Variants in C4orf50 observed in about 807,000 individuals in gnomAD.
C4orf50 encodes chromosome 4 open reading frame 50.
C4orf50 carries 80 observed loss-of-function variants against 77.2 expected under a neutral mutation model. That is an observed-to-expected ratio of 1.04 (90% CI 0.87 to 1.25). The LOEUF (loss-of-function observed/expected upper bound fraction) is 1.25, where lower values mean the gene tolerates loss of function less well. Among genes scored for constraint, C4orf50 ranks in the 50% most tolerant of loss-of-function variants. The pLI, the probability that C4orf50 is intolerant of heterozygous loss-of-function variation, is 0.00. For synonymous variants in C4orf50, 532 were observed against 465.3 expected (o/e 1.14, Z -1.84); for missense variants, 1,257 against 1,152.9 (o/e 1.09, Z -1.31).
chr4:5,948,113 G>C (rs1718559644), intron 7 of C4orf50, among the ~76,000 whole-genome samples: 1 of 152,212 alleles, frequency 6.6e-6, no homozygotes, highest in Non-Finnish European at 1.5e-5. Context: ...ACTTCTCTCT[G>C]TGACCCCAGC....
downstream of C4orf50, among the ~76,000 whole-genome samples, chr4:5,956,234 C>G (rs1278726769): frequency 6.6e-6 from 1 of 152,204 alleles, no homozygotes; most frequent in Non-Finnish European, 1.5e-5. Context: ...CTACCCCAAC[C>G]CTACCTGGGC....
chr4:5,921,665 A>G (rs1455712912), intron 7 of C4orf50, among the ~76,000 whole-genome samples: 2 of 152,026 alleles, frequency 1.3e-5, no homozygotes, highest in Non-Finnish European at 2.9e-5. Context: ...AGAGCTGGAG[A>G]GAGGAGGAGG....
At chr4:5,985,084 T>C (rs776531670) in intron 28 of C4orf50, among the ~76,000 whole-genome samples, 2 of 152,138 alleles carry the variant, frequency 1.3e-5, no homozygotes, top group Non-Finnish European at 2.9e-5. Context: ...GAATGAGATC[T>C]TTAAAGAGCC....
At chr4:5,964,999 A>C (rs772347020) in intron 33 of C4orf50, 25 bp downstream of exon 11, 4 of 1,600,136 alleles carry the variant, frequency 2.5e-6, no homozygotes, top group Non-Finnish European at 3.4e-6. Flanking sequence ...TCATTTAGGA[A>C]ATGAGGTGAC....
chr4:5,907,175 G>A (rs1370293733), intron 7 of C4orf50, among the ~76,000 whole-genome samples: 1 of 151,724 alleles, frequency 6.6e-6, no homozygotes, highest in Non-Finnish European at 1.5e-5. Flanking sequence ...AGAAGCAGGT[G>A]GGTGATATCA....
downstream of C4orf50, among the ~76,000 whole-genome samples, chr4:5,953,335 A>G (rs747442356): frequency 3.9e-5 from 6 of 152,316 alleles, no homozygotes; most frequent in Admixed American, 6.5e-5. Flanking sequence ...TTGCGGCTAC[A>G]GTTGACTTAC....
At chr4:5,949,472 A>G (rs1327554991) in intron 7 of C4orf50, among the ~76,000 whole-genome samples, 1 of 152,188 alleles carries the variant, frequency 6.6e-6, no homozygotes, top group Non-Finnish European at 1.5e-5. Context: ...GATTCCGTTC[A>G]GATCAGGTCC....
chr4:5,967,005 T>C (rs13150768), intron 32 of C4orf50, among the ~76,000 whole-genome samples: 54,888 of 152,040 alleles, frequency 0.36, 10,176 homozygotes, highest in Admixed American at 0.45. Flanking sequence ...TGTTGCATGG[T>C]GTTTCTCAGA....
chr4:6,008,149 C>G lies in C4orf50; in HGVS notation c.810G>C (p.Gln270His), dbSNP rs977982173. The change falls in exon 25 of 34, where the codon CAG becomes CAC. Residue 270 changes from glutamine to histidine, a missense_variant. Physicochemically the swap from Gln to His is conservative, Grantham distance 24 (BLOSUM62 0). Transcript: ENST00000531445. This position sits in a 1 kb window ranked among gnomAD's most constrained non-coding sequence, Gnocchi z 6.0. Reference sequence around the variant, plus strand: ...GCAGCTCCTCCAGCTGCCCGCGGAGCTGGCGCTCGGTGGCCCGGTGCTCCT... The same window carrying G: ...GCAGCTCCTCCAGCTGCCCGCGGAGGTGGCGCTCGGTGGCCCGGTGCTCCT... 5.3e-5 allele frequency: 21 copies of G among 398,820 alleles called. No homozygotes were observed. Among genetic ancestry groups the G allele is most frequent in the African/African-American group, 3.7e-4 (18 of 48,634 alleles). 24.7% of individuals were successfully genotyped at this position (398,820 alleles called of 1,614,324 possible).
At chr4:6,004,633 TGTGATG>T (rs370066462) in intron 25 of C4orf50, among the ~76,000 whole-genome samples, 6,751 of 97,200 alleles carry the variant, frequency 0.069, 173 homozygotes, top group Non-Finnish European at 0.098. Context: ...TGATGGTGAC[TGTGATG>T]GTGATGGTGA....
In C4orf50 at chr4:5,959,801, T is replaced by C. The variant is rs189457929; in HGVS notation, c.4276-175A>G. On this transcript the variant is annotated intron_variant, in intron 33 of 33. Transcript: ENST00000531445. ...TTGGCTCACTTCCTTTGGTGACAGT[T>C]CAGTGAGACACATGCTGTCATCACT... 2.7e-3 allele frequency among the ~76,000 whole-genome samples: 417 copies of C among 152,342 alleles called. 3 individuals are homozygous for C. Among genetic ancestry groups the C allele is most frequent in the Non-Finnish European group, 4.6e-3 (311 of 68,036 alleles).
chr4:5,917,406 CTTTTTTTTTTTT>C (rs34928524), intron 7 of C4orf50, among the ~76,000 whole-genome samples: 10 of 86,422 alleles, frequency 1.2e-4, no homozygotes, highest in African/African-American at 2.4e-4. Context: ...TCCTGTATTT[CTTTTTTTTTTTT>C]TTTTTTTTTT....
chr4:5,906,318 G>A (rs892888781), intron 7 of C4orf50, among the ~76,000 whole-genome samples: 1 of 152,024 alleles, frequency 6.6e-6, no homozygotes, highest in African/African-American at 2.4e-5. Context: ...GTGAAATAAA[G>A]ACTGTCTGGA....
chr4:5,908,585 C>T lies in C4orf50; in HGVS notation c.*2475-10397G>A, dbSNP rs543645593. ...CCATGCGATGGGGAGGGGGGAAAGC[C>T]CTGGGGTATCAGAAAATGAGGGCAA... On this transcript the variant is annotated intron_variant, in intron 7 of 7. Transcript: ENST00000324058. This position sits in a 1 kb window ranked among gnomAD's most constrained non-coding sequence, Gnocchi z 5.6. Among the ~76,000 whole-genome samples, 15 of 152,066 alleles carry T rather than the reference C, an allele frequency of 9.9e-5. No homozygotes were observed. The highest frequency in any genetic ancestry group is 2.9e-4 in the African/African-American group (12 of 41,468).
At chr4:5,980,153 G>T in intron 29 of C4orf50, 21 bp downstream of exon 7, 1 of 1,551,534 alleles carries the variant, frequency 6.4e-7, no homozygotes, top group Non-Finnish European at 8.7e-7. Context: ...GACAAGAGGG[G>T]AAAGAAAGCA....
At chr4:5,974,040 C>A (rs554106513) in intron 30 of C4orf50, among the ~76,000 whole-genome samples, 199 bp from the exon 9 acceptor site, 1 of 152,322 alleles carries the variant, frequency 6.6e-6, no homozygotes, top group East Asian at 1.9e-4. Context: ...GGCCACACAC[C>A]CCCAGGGGCT....
intron 7 of C4orf50, among the ~76,000 whole-genome samples, chr4:5,947,458 C>T (rs958924102): frequency 5.3e-5 from 8 of 152,192 alleles, no homozygotes; most frequent in Non-Finnish European, 1.2e-4. Context: ...CTTGGGGCAC[C>T]TTGGGGAAAA....
intron 25 of C4orf50, among the ~76,000 whole-genome samples, chr4:6,003,029 A>T (rs891368169): frequency 3.3e-5 from 5 of 152,168 alleles, no homozygotes; most frequent in Non-Finnish European, 7.4e-5. Context: ...TCTGCCAGAC[A>T]GGGGGCTTCA....
chr4:6,007,845 A>G lies in C4orf50; in HGVS notation c.963+151T>C, dbSNP rs1045996392. Among the ~76,000 whole-genome samples, 1 of 151,830 alleles carries G rather than the reference A, an allele frequency of 6.6e-6. No homozygotes were observed. The highest frequency in any genetic ancestry group is 1.5e-5 in the Non-Finnish European group (1 of 67,974). ...GGAGGGTGGGTGGGGAGGTGAGTAG[A>G]TGCAGTGAAGGACGATGGACAGGGC... is the stretch of plus-strand genomic sequence containing the variant. On this transcript the variant is annotated intron_variant, in intron 25 of 33. Coordinates refer to ENST00000531445, the Ensembl canonical transcript of C4orf50. The surrounding 1 kb of genome is among the most constrained non-coding windows in gnomAD (Gnocchi z 4.1).
Sources: gnomAD v4.1 joint callset for allele counts (sites outside exome capture counted in the v4.1 genomes callset) on GRCh38, gnomAD v4.1.1 for gene constraint, Gnocchi (gnomAD v3.1) non-coding constraint, MANE v1.5 for transcripts, NCBI Gene and HGNC (gene_info 2026-07-23, HGNC 2026-07-21) for gene names.